Variants in GMDS observed in about 807,000 individuals in gnomAD.
GMDS encodes GDP-mannose 4,6-dehydratase, also known as GDP-mannose 4,6 dehydratase.
Under a neutral mutation model 49.9 loss-of-function variants are expected in GMDS, and 20 were observed. The observed-to-expected ratio is 0.40, with a 90% CI of 0.28 to 0.58. GMDS has a LOEUF of 0.58. GMDS is among the 20% of genes least tolerant of loss of function. The pLI is 0.42. For synonymous variants in GMDS, 177 were observed against 178.6 expected (o/e 0.99, Z 0.07); for missense variants, 362 against 481.4 (o/e 0.75, Z 2.32).
intron 7 of GMDS, among the ~76,000 whole-genome samples, chr6:1,743,036 C>G (rs1767335491): frequency 6.6e-6 from 1 of 152,146 alleles, no homozygotes; most frequent in South Asian, 2.1e-4. Flanking sequence ...CATTTAAAGA[C>G]AGGTATTTGT....
intron 1 of GMDS, chr6:2,175,879 G>C: frequency 1.1e-6 from 1 of 928,254 alleles, no homozygotes; most frequent in East Asian, 2.6e-5. Flanking sequence ...AGCCCTATCA[G>C]GCTTGTGGCA....
chr6:1,892,532 T>A (rs1010601864), intron 7 of GMDS, among the ~76,000 whole-genome samples: 1 of 152,128 alleles, frequency 6.6e-6, no homozygotes, highest in Non-Finnish European at 1.5e-5. Flanking sequence ...CTAATTTTTG[T>A]ATTTTTAGTA....
intron 7 of GMDS, among the ~76,000 whole-genome samples, chr6:1,916,022 C>T (rs145556113): frequency 8.5e-5 from 13 of 152,344 alleles, no homozygotes; most frequent in African/African-American, 3.1e-4. Context: ...CCAGCCACTG[C>T]TCACGCAGGC....
At chr6:1,926,379 C>T (rs902292317) in intron 7 of GMDS, among the ~76,000 whole-genome samples, 1 of 152,204 alleles carries the variant, frequency 6.6e-6, no homozygotes, top group Admixed American at 6.5e-5. Context: ...ACCTGCCCAT[C>T]TGCATGCTCC....
At chr6:1,879,584 G>GT (rs1181954213) in intron 7 of GMDS, among the ~76,000 whole-genome samples, 1,971 of 143,530 alleles carry the variant, frequency 0.014, 30 homozygotes, top group African/African-American at 0.04. Context: ...GTTACCAAAG[G>GT]TTTTTTTTTT....
intron 1 of GMDS, among the ~76,000 whole-genome samples, chr6:2,162,864 C>A (rs1020637786): frequency 1.3e-5 from 2 of 152,190 alleles, no homozygotes; most frequent in African/African-American, 4.8e-5. Flanking sequence ...TTCCCTCCTG[C>A]TCTCCAAGCT....
At chr6:2,133,733 A>G (rs1010195811) in intron 1 of GMDS, among the ~76,000 whole-genome samples, 6 of 152,204 alleles carry the variant, frequency 3.9e-5, no homozygotes, top group African/African-American at 1.4e-4. Context: ...ATTCAAGCAT[A>G]TATCAGGAGC....
chr6:1,903,226 T>C (rs1388674286), intron 7 of GMDS, among the ~76,000 whole-genome samples: 2 of 152,208 alleles, frequency 1.3e-5, no homozygotes, highest in Non-Finnish European at 2.9e-5. Flanking sequence ...CAAATAGTGG[T>C]AAAATTTAAC....
At chr6:2,142,478 G>A (rs147940809) in intron 1 of GMDS, among the ~76,000 whole-genome samples, 7 of 152,266 alleles carry the variant, frequency 4.6e-5, no homozygotes, top group Admixed American at 1.3e-4. Context: ...AATGTCACAG[G>A]ATGATGAAGT....
intron 4 of GMDS, among the ~76,000 whole-genome samples, chr6:1,965,248 A>G (rs1277684222): frequency 2.6e-5 from 4 of 152,220 alleles, no homozygotes; most frequent in Admixed American, 2.6e-4. Flanking sequence ...GGAATCGCCT[A>G]GAGCACATAA....
chr6:1,767,019 T>C (rs1768384034), intron 7 of GMDS, among the ~76,000 whole-genome samples: 1 of 152,232 alleles, frequency 6.6e-6, no homozygotes, highest in Non-Finnish European at 1.5e-5. Context: ...CTGAACTTTA[T>C]TCTGTTCAGT....
At chr6:1,897,130 G>A (rs1163701499) in intron 7 of GMDS, among the ~76,000 whole-genome samples, 1 of 152,146 alleles carries the variant, frequency 6.6e-6, no homozygotes, top group Non-Finnish European at 1.5e-5. Flanking sequence ...ACCACAGACT[G>A]GAAATCCAAG....
intron 7 of GMDS, among the ~76,000 whole-genome samples, chr6:1,827,160 C>A (rs1771159100): frequency 6.6e-6 from 1 of 150,780 alleles, no homozygotes; most frequent in Non-Finnish European, 1.5e-5. Flanking sequence ...TATGCACACA[C>A]ACACACACAC....
At position 2,050,905 on chromosome 6, in the gene GMDS, GA is replaced by G. The variant is rs1424955461; in HGVS notation, c.345+64865del. Among the ~76,000 whole-genome samples the G allele has an allele frequency of 8.5e-5, 13 of 152,178 alleles. No homozygotes were observed. In the East Asian group the frequency reaches 2.5e-3, roughly 29 times the overall value. On this transcript the variant is annotated intron_variant, in intron 4 of 10. Transcript: ENST00000380815. ...ATTTTCTCACTCATAGGTGGGAAATGAATGAGAACACTTGGACACAGGGCGG... is the reference window on the plus strand; with the variant it reads ...ATTTTCTCACTCATAGGTGGGAAATGATGAGAACACTTGGACACAGGGCGG...
In GMDS at chr6:2,039,150, G is replaced by C. The variant is rs184569508; in HGVS notation, c.345+76621C>G. ...TACTGTAGGCAACTGTGACACAATG[G>C]TAAGTATGTGTGTTTATAAACACGA... On this transcript the variant is annotated intron_variant, in intron 4 of 10. Coordinates refer to ENST00000380815, the MANE Select transcript of GMDS (RefSeq NM_001500.4). Among the ~76,000 whole-genome samples the C allele has an allele frequency of 1.4e-3, 212 of 152,280 alleles. 1 individual carries two copies. The highest frequency in any genetic ancestry group is 1.1e-3 in the Non-Finnish European group (73 of 68,024).
intron 1 of GMDS, among the ~76,000 whole-genome samples, chr6:2,175,068 G>A (rs372616987): frequency 6.6e-6 from 1 of 152,118 alleles, no homozygotes; most frequent in Admixed American, 6.5e-5. Flanking sequence ...GGGGGGTGAG[G>A]GTAGCTATTT....
At chr6:2,177,184 CTTCA>C (rs1200044082) in intron 1 of GMDS, among the ~76,000 whole-genome samples, 1 of 152,042 alleles carries the variant, frequency 6.6e-6, no homozygotes, top group Non-Finnish European at 1.5e-5. Flanking sequence ...GATGAAGGTA[CTTCA>C]CCTAAGGGCA....
chr6:2,178,960 C>G (rs1778402988), intron 1 of GMDS, among the ~76,000 whole-genome samples: 1 of 152,150 alleles, frequency 6.6e-6, no homozygotes, highest in Non-Finnish European at 1.5e-5. Flanking sequence ...TTTGAAATCT[C>G]TCAATATTCT....
intron 7 of GMDS, among the ~76,000 whole-genome samples, chr6:1,904,494 A>C (rs1760657605): frequency 6.6e-6 from 1 of 152,226 alleles, no homozygotes; most frequent in Non-Finnish European, 1.5e-5. Flanking sequence ...ATAAGTCAAA[A>C]GAAGGCAAAG....
Sources: gnomAD v4.1 joint callset for allele counts (sites outside exome capture counted in the v4.1 genomes callset) on GRCh38, gnomAD v4.1.1 for gene constraint, MANE v1.5 for transcripts, NCBI Gene and HGNC (gene_info 2026-07-23, HGNC 2026-07-21) for gene names.